NID1: variants seen among roughly 807,000 people sequenced by gnomAD.
NID1 encodes the protein nidogen 1.
Under a neutral mutation model 130.6 loss-of-function variants are expected in NID1, and 76 were observed. The observed-to-expected ratio is 0.58, with a 90% confidence interval of 0.48 to 0.70. The LOEUF (loss-of-function observed/expected upper bound fraction) is 0.70. NID1 is among the 30% of genes least tolerant of loss of function. The pLI, the probability that NID1 is intolerant of heterozygous loss-of-function variation, is 0.00. For missense variants in NID1, 1,517 were observed against 1,664.8 expected (o/e 0.91, Z 1.54); for synonymous variants, 665 against 675.1 (o/e 0.98, Z 0.23).
At chr1:235,981,022 T>G (rs940462443) in intron 16 of NID1, among the ~76,000 whole-genome samples, 11 of 152,150 alleles carry the variant, frequency 7.2e-5, no homozygotes, top group Non-Finnish European at 1.6e-4. Flanking sequence ...GGGACCAGAC[T>G]AGGACAAGAA....
chr1:236,015,893 G>C (rs1284616342), intron 10 of NID1, among the ~76,000 whole-genome samples: 2 of 152,040 alleles, frequency 1.3e-5, no homozygotes, highest in East Asian at 1.9e-4. Flanking sequence ...TTGCATCCCA[G>C]CCTGCCCCTT....
intron 4 of NID1, among the ~76,000 whole-genome samples, chr1:236,039,067 TTA>T (rs961210708): frequency 2.9e-4 from 40 of 138,740 alleles, no homozygotes; most frequent in Non-Finnish European, 4.0e-4. Flanking sequence ...TATATATACA[TTA>T]TATATATTTA....
At chr1:236,064,201 G>T (rs965830284) in intron 1 of NID1, among the ~76,000 whole-genome samples, 2 of 152,306 alleles carry the variant, frequency 1.3e-5, no homozygotes, top group East Asian at 3.9e-4. Context: ...GGGAGCTGTA[G>T]GTCATCTGGT....
Position 236,012,051 on chromosome 1 carries a change from A to G in NID1, c.2405-8T>C, listed in dbSNP as rs200447099. 2.0e-3 allele frequency: 3,236 copies of G among 1,610,168 alleles called. 21 individuals carry two copies. Among genetic ancestry groups the G allele is most frequent in the Middle Eastern group, 0.02 (119 of 6,054 alleles). Reference sequence around the variant, plus strand: ...GCTGGCATTCATCTACATCTGTAAAACAGCCACCAGGCCCAGGGACAATGA... The same window carrying G: ...GCTGGCATTCATCTACATCTGTAAAGCAGCCACCAGGCCCAGGGACAATGA... On this transcript the variant is annotated splice_polypyrimidine_tract_variant and splice_region_variant and intron_variant, in intron 11 of 19. Coordinates refer to ENST00000264187, the MANE Select transcript of NID1 (RefSeq NM_002508.3).
chr1:236,062,574 T>C (rs549519037), intron 1 of NID1, among the ~76,000 whole-genome samples: 2 of 139,162 alleles, frequency 1.4e-5, no homozygotes, highest in Admixed American at 7.6e-5. Flanking sequence ...GCGGAGGTTG[T>C]GGTGAGCTAA....
Position 235,977,729 on chromosome 1 carries a change from A to T in NID1, c.*138T>A. 1 of 941,118 alleles carries T rather than the reference A, an allele frequency of 1.1e-6. No homozygotes were observed. Among genetic ancestry groups the T allele is most frequent in the Middle Eastern group, 2.8e-4 (1 of 3,516 alleles). The allele number at this position is 941,118 out of a possible 1,614,324, so 58.3% of individuals were successfully genotyped here. A position where few individuals can be genotyped will look rare whatever the true frequency, so the allele number is the denominator to read the frequency against. On this transcript the variant is annotated 3_prime_UTR_variant, in exon 20 of 20. Coordinates refer to ENST00000264187, the MANE Select transcript of NID1 (RefSeq NM_002508.3). ...CATGTTTTGGGGAACAGTGAGGGAA[A>T]AGTTGTTGGGGCTCAGGCTGGGCTG... is the stretch of plus-strand genomic sequence containing the variant.
rs548301562 is a variant in NID1 at position 236,000,309 on chromosome 1, A to G, written c.2528-6437T>C. 2.0e-5 allele frequency among the ~76,000 whole-genome samples: 3 copies of G among 152,350 alleles called. No individual in the cohort carries two copies. The South Asian group carries it at 6.2e-4, about 32-fold the overall frequency. On this transcript the variant is annotated intron_variant, in intron 12 of 19. Transcript: ENST00000264187. ...AACATCTACAATCTGTTCTCTCTGA[A>G]GCCGCCTACCTGGAGGCTTCATCTG...
intron 10 of NID1, 57 bp from the exon 11 acceptor site, chr1:236,013,617 C>T: frequency 1.9e-6 from 3 of 1,603,878 alleles, no homozygotes; most frequent in South Asian, 2.2e-5. Context: ...GAGCAGGCCA[C>T]ATGCCCCTCC....
intron 4 of NID1, among the ~76,000 whole-genome samples, chr1:236,039,583 C>A (rs985668712): frequency 2.0e-5 from 3 of 152,112 alleles, no homozygotes; most frequent in African/African-American, 4.8e-5. Flanking sequence ...TTATTAGAAT[C>A]ATGAACTAGC....
intron 5 of NID1, among the ~76,000 whole-genome samples, chr1:236,035,614 T>A (rs989345307): frequency 6.6e-5 from 10 of 151,602 alleles, no homozygotes; most frequent in Admixed American, 6.6e-4. Context: ...CCACCAACAG[T>A]GTAAAAGTGT....
At position 236,038,215 on chromosome 1, in the gene NID1, T is replaced by C. The variant is rs758139213; in HGVS notation, c.1174A>G (p.Asn392Asp). Residue 392 changes from asparagine (N) to aspartate (D), a missense_variant, in exon 5 of 20, where the codon AAC (asparagine) becomes GAC (aspartate). Around this residue, in one of 3 missense-constraint regions of NID1, gnomAD observed 1,329 missense variants for 1,429.2 expected, o/e 0.93. Coordinates refer to ENST00000264187, the MANE Select transcript of NID1 (RefSeq NM_002508.3). Reference sequence around the variant, plus strand: ...TGCACCGAGCACTGGTGTCTGTTGTTAGCACACGTCTGGCGGGAATCCGTG... The same window carrying C: ...TGCACCGAGCACTGGTGTCTGTTGTCAGCACACGTCTGGCGGGAATCCGTG... ...YNTDSRQTCA[N>D]NRHQCSVHAE... The C allele has an allele frequency of 6.2e-7, 1 of 1,613,706 alleles. No individual in the cohort carries two copies. Among genetic ancestry groups the C allele is most frequent in the East Asian group, 2.2e-5 (1 of 44,862 alleles).
chr1:236,003,542 AGGG>A (rs1440434653), intron 12 of NID1, among the ~76,000 whole-genome samples: 1 of 152,220 alleles, frequency 6.6e-6, no homozygotes, highest in Non-Finnish European at 1.5e-5. Flanking sequence ...TTCAGGAAGG[AGGG>A]CGAGACCAAT....
chr1:236,050,598 T>A (rs1659739303), intron 1 of NID1, among the ~76,000 whole-genome samples: 2 of 150,960 alleles, frequency 1.3e-5, no homozygotes, highest in South Asian at 4.2e-4. Flanking sequence ...CTAAAACCCA[T>A]GCTCCTTGAG....
Position 236,065,062 on chromosome 1 carries a change from G to A in NID1, c.18C>T (p.Ser6=), listed in dbSNP as rs1172223482. Residue 6 remains serine, a synonymous_variant, in exon 1 of 20, where the codon AGC becomes AGT. Transcript: ENST00000264187. The surrounding 1 kb of genome is among the most constrained non-coding windows in gnomAD (Gnocchi z 4.1). MLASS[S]RIRAAWTRAL... ...CCCGCGTCCACGCAGCCCGGATCCG[G>A]CTGCTCGAGGCCAACATGTTCCCGA... 5.8e-6 allele frequency: 9 copies of A among 1,550,742 alleles called. No individual in the cohort carries two copies. Among genetic ancestry groups the A allele is most frequent in the African/African-American group, 1.4e-5 (1 of 73,060 alleles).
chr1:236,039,750 T>C (rs1659391970), intron 4 of NID1, among the ~76,000 whole-genome samples: 1 of 152,216 alleles, frequency 6.6e-6, no homozygotes, highest in Non-Finnish European at 1.5e-5. Context: ...CTATGAGTCC[T>C]ACATACTCGG....
chr1:236,037,975 T>C (rs1659310402), intron 5 of NID1, 129 bp downstream of exon 5: 2 of 1,078,652 alleles, frequency 1.9e-6, no homozygotes, highest in Non-Finnish European at 2.6e-6. Flanking sequence ...AGAGACCATG[T>C]ATGGCTGCCA....
At chr1:236,031,106 TTTTC>T (rs995310838) in intron 6 of NID1, among the ~76,000 whole-genome samples, 5 of 151,012 alleles carry the variant, frequency 3.3e-5, no homozygotes, top group African/African-American at 4.9e-5. Flanking sequence ...GGTTCAATCC[TTTTC>T]TTTTTTTCTT....
At chr1:236,044,935 A>G (rs1659555329) in intron 3 of NID1, among the ~76,000 whole-genome samples, 1 of 152,218 alleles carries the variant, frequency 6.6e-6, no homozygotes, top group East Asian at 1.9e-4. Context: ...GCGGCACTTC[A>G]TGCCTGTAAT....
At chr1:236,038,284 A>T (rs1335680120) in intron 4 of NID1, 31 bp from the exon 5 acceptor site, 1 of 1,600,258 alleles carries the variant, frequency 6.2e-7, no homozygotes, top group South Asian at 1.1e-5. Flanking sequence ...CACACCTGTA[A>T]GCATTTCATG....
Sources: gnomAD v4.1 joint callset for allele counts (sites outside exome capture counted in the v4.1 genomes callset) on GRCh38, gnomAD v4.1.1 for gene constraint, gnomAD v4.1.1 regional missense constraint, Gnocchi (gnomAD v3.1) non-coding constraint, MANE v1.5 for transcripts, NCBI Gene and HGNC (gene_info 2026-07-23, HGNC 2026-07-21) for gene names.